The following STAG1 variants were observed in gnomAD, a reference collection of about 807,000 sequenced individuals.
The protein encoded by STAG1 is cohesin subunit SA-1.
Under a neutral mutation model 170.9 loss-of-function variants are expected in STAG1, and 26 were observed. That is an observed-to-expected ratio of 0.15 (90% CI 0.11 to 0.21). The LOEUF is 0.21. Ranked by LOEUF, STAG1 falls within the 10% of genes least tolerant of loss-of-function variation. The probability of loss-of-function intolerance (pLI) is 1.00; values close to 1 mark genes in which losing one functional copy is unlikely to be tolerated. For synonymous variants in STAG1, 514 were observed against 497.7 expected, an observed-to-expected ratio of 1.03 and a Z score of -0.44; for missense variants, 964 against 1,509.5, an observed-to-expected ratio of 0.64 and a Z score of 5.99.
chr3:136,663,979 G>C (rs1941668214), intron 1 of STAG1, among the ~76,000 whole-genome samples: 1 of 152,182 alleles, frequency 6.6e-6, no homozygotes, highest in Non-Finnish European at 1.5e-5. Context: ...GCAGGGGTTA[G>C]GGGTGGGATA....
intron 1 of STAG1, among the ~76,000 whole-genome samples, chr3:136,638,865 G>C (rs572927613): frequency 6.2e-4 from 94 of 152,106 alleles, no homozygotes; most frequent in African/African-American, 5.1e-4. Flanking sequence ...TCACGCCATT[G>C]AACTCCAGCC....
intron 3 of STAG1, among the ~76,000 whole-genome samples, chr3:136,608,797 C>CATAA (rs781479431): frequency 2.5e-5 from 2 of 79,192 alleles, no homozygotes; most frequent in African/African-American, 5.0e-5. Context: ...GACCCTATCT[C>CATAA]AAAAAAAAAA....
At chr3:136,675,676 G>GACAT (rs1298723842) in intron 1 of STAG1, among the ~76,000 whole-genome samples, 1 of 151,896 alleles carries the variant, frequency 6.6e-6, no homozygotes, top group Non-Finnish European at 1.5e-5. Flanking sequence ...ATACCAAAGA[G>GACAT]ACATCCCATA....
chr3:136,386,539 A>C (rs1163913851), intron 22 of STAG1, among the ~76,000 whole-genome samples: 1 of 152,192 alleles, frequency 6.6e-6, no homozygotes, highest in Non-Finnish European at 1.5e-5. Flanking sequence ...GACCCATAAC[A>C]GCAAACTGTA....
At chr3:136,529,801 A>C (rs1357512984) in intron 6 of STAG1, among the ~76,000 whole-genome samples, 2 of 152,214 alleles carry the variant, frequency 1.3e-5, no homozygotes, top group African/African-American at 4.8e-5. Flanking sequence ...ACAAAGAAAA[A>C]CAATAGGAGA....
intron 5 of STAG1, 37 bp from the exon 6 acceptor site, chr3:136,542,232 A>T (rs1386851511): frequency 7.5e-6 from 11 of 1,461,984 alleles, no homozygotes; most frequent in Non-Finnish European, 9.5e-6. Context: ...TCTTTCAATT[A>T]ATCTTTCAGA....
chr3:136,379,919 A>T (rs1201213327), intron 22 of STAG1, among the ~76,000 whole-genome samples: 1 of 152,210 alleles, frequency 6.6e-6, no homozygotes, highest in Non-Finnish European at 1.5e-5. Context: ...TTTTTAGCAT[A>T]AGAGTGCTAA....
intron 3 of STAG1, among the ~76,000 whole-genome samples, chr3:136,611,840 T>C (rs957640069): frequency 6.6e-6 from 1 of 151,414 alleles, no homozygotes; most frequent in African/African-American, 2.4e-5. Flanking sequence ...CACATAAGGT[T>C]ATGTGTGGAA....
chr3:136,595,898 CA>C (rs1316460357), intron 4 of STAG1, among the ~76,000 whole-genome samples: 2 of 151,912 alleles, frequency 1.3e-5, no homozygotes, highest in African/African-American at 4.8e-5. Context: ...ATCAATTTTA[CA>C]AAAAGTATTC....
chr3:136,460,408 C>A (rs2089239568), intron 13 of STAG1, among the ~76,000 whole-genome samples: 1 of 152,122 alleles, frequency 6.6e-6, no homozygotes, highest in Non-Finnish European at 1.5e-5. Flanking sequence ...TTGAGACCAG[C>A]CTGGCCAAGA....
At chr3:136,533,048 T>C (rs1057153177) in intron 6 of STAG1, among the ~76,000 whole-genome samples, 6 of 152,166 alleles carry the variant, frequency 3.9e-5, no homozygotes, top group Admixed American at 1.3e-4. Context: ...TTCTTAGAGC[T>C]GATAGCAAAT....
At chr3:136,669,146 G>A (rs1941904590) in intron 1 of STAG1, among the ~76,000 whole-genome samples, 1 of 152,128 alleles carries the variant, frequency 6.6e-6, no homozygotes, top group Non-Finnish European at 1.5e-5. Flanking sequence ...AGTAACAGTT[G>A]TAGTATTACC....
At chr3:136,372,203 C>A (rs927271413) in intron 23 of STAG1, among the ~76,000 whole-genome samples, 1 of 152,150 alleles carries the variant, frequency 6.6e-6, no homozygotes, top group African/African-American at 2.4e-5. Context: ...GATTTTGTAT[C>A]CTGAGACTTT....
chr3:136,364,307 T>G (rs1449104192), intron 25 of STAG1, among the ~76,000 whole-genome samples: 1 of 151,912 alleles, frequency 6.6e-6, no homozygotes, highest in Non-Finnish European at 1.5e-5. Context: ...GGTCTTGAAC[T>G]CCTGACCTCA....
chr3:136,518,528 G>A (rs1934495634), intron 7 of STAG1: 1 of 616,528 alleles, frequency 1.6e-6, no homozygotes, highest in Admixed American at 2.4e-5. Context: ...AGGGATAATT[G>A]TTGTCCAGCC....
intron 1 of STAG1, among the ~76,000 whole-genome samples, chr3:136,662,300 T>C (rs1318128911): frequency 1.3e-5 from 2 of 151,966 alleles, no homozygotes; most frequent in African/African-American, 4.8e-5. Flanking sequence ...TACAGGTACC[T>C]GCCACCATGC....
Position 136,576,301 on chromosome 3 carries a change from C to T in STAG1, c.298-7440G>A, listed in dbSNP as rs563279984. On this transcript the variant is annotated intron_variant, in intron 4 of 33. Coordinates refer to ENST00000383202, the MANE Select transcript of STAG1 (RefSeq NM_005862.3). ...TCTTTTTCTCTCTCACACACACATA[C>T]ATATAAGCATGGGAAAAGGTATGGA... Among the ~76,000 whole-genome samples, 282 of 152,196 alleles carry T rather than the reference C, an allele frequency of 1.9e-3. 1 individual carries two copies. Among genetic ancestry groups the T allele is most frequent in the African/African-American group, 5.8e-3 (240 of 41,534 alleles).
At chr3:136,409,350 AT>A (rs112764404) in intron 21 of STAG1, among the ~76,000 whole-genome samples, 104 of 151,028 alleles carry the variant, frequency 6.9e-4, no homozygotes, top group African/African-American at 2.4e-3. Context: ...AAATGTGACT[AT>A]TTTTTTTTCC....
chr3:136,447,595 CATT>C (rs2088819497), intron 14 of STAG1, among the ~76,000 whole-genome samples: 1 of 121,414 alleles, frequency 8.2e-6, no homozygotes, highest in Non-Finnish European at 1.6e-5. Context: ...AAAAGCATCA[CATT>C]TTTTTTTTTT....
Sources: allele counts gnomAD v4.1 joint callset (sites outside exome capture counted in the v4.1 genomes callset), GRCh38; gene constraint gnomAD v4.1.1; transcripts MANE v1.5; gene names NCBI Gene and HGNC (gene_info 2026-07-23, HGNC 2026-07-21).